ZCCHC7: variants seen among roughly 807,000 people sequenced by gnomAD.
The protein encoded by ZCCHC7 is zinc finger CCHC domain-containing protein 7.
Under a neutral mutation model 52.0 loss-of-function variants are expected in ZCCHC7, and 35 were observed. That is an observed-to-expected ratio of 0.67 (90% CI 0.51 to 0.89). The LOEUF is 0.89. ZCCHC7 is among the 40% of genes least tolerant of loss of function. The probability of loss-of-function intolerance (pLI) is 0.00; values close to 1 mark genes in which losing one functional copy is unlikely to be tolerated. For synonymous variants in ZCCHC7, 217 were observed against 221.5 expected, an observed-to-expected ratio of 0.98 and a Z score of 0.18; for missense variants, 574 against 649.1, an observed-to-expected ratio of 0.88 and a Z score of 1.26.
At chr9:37,304,389 C>T (rs903325167) in intron 4 of ZCCHC7, 76 bp downstream of exon 4, 2 of 1,541,696 alleles carry the variant, frequency 1.3e-6, no homozygotes, top group African/African-American at 2.7e-5. Context: ...CACGGTGGCT[C>T]ATGCCTGTAA....
intron 2 of ZCCHC7, among the ~76,000 whole-genome samples, chr9:37,169,649 A>G (rs1158407935): frequency 6.6e-6 from 1 of 152,192 alleles, no homozygotes; most frequent in Admixed American, 6.5e-5. Flanking sequence ...CTTTTATAAC[A>G]TGGGGTTTTT....
chr9:37,242,878 C>T (rs1473786272), intron 2 of ZCCHC7, among the ~76,000 whole-genome samples: 2 of 151,922 alleles, frequency 1.3e-5, no homozygotes, highest in South Asian at 4.1e-4. Flanking sequence ...TTCTTTGTAT[C>T]AGCACCCTGA....
In ZCCHC7 at chr9:37,176,264, G is replaced by A. The variant is rs528809843; in HGVS notation, c.610+49322G>A. On this transcript the variant is annotated intron_variant, in intron 2 of 8. Transcript: ENST00000336755. ...TAATTTTTGTATTTTTAGTAGAGAC[G>A]GGGTTTCACCGTGTTAGCCAGGATG... Among the ~76,000 whole-genome samples the A allele has an allele frequency of 3.9e-3, 590 of 152,160 alleles. 3 individuals carry two copies. Among genetic ancestry groups the A allele is most frequent in the Admixed American group, 9.4e-3 (143 of 15,282 alleles).
At chr9:37,146,924 G>A (rs1843461493) in intron 2 of ZCCHC7, among the ~76,000 whole-genome samples, 2 of 151,748 alleles carry the variant, frequency 1.3e-5, no homozygotes, top group African/African-American at 2.4e-5. Flanking sequence ...TAAAAACATA[G>A]GGAATAACAT....
At chr9:37,236,943 A>G (rs556478513) in intron 2 of ZCCHC7, among the ~76,000 whole-genome samples, 2 of 152,244 alleles carry the variant, frequency 1.3e-5, no homozygotes, top group South Asian at 2.1e-4. Context: ...AAGTGCTTTC[A>G]ATTTGAACTT....
intron 2 of ZCCHC7, among the ~76,000 whole-genome samples, chr9:37,178,859 A>G (rs1211700469): frequency 6.6e-6 from 1 of 152,226 alleles, no homozygotes; most frequent in Non-Finnish European, 1.5e-5. Context: ...CTTTTTATAA[A>G]TAAGGTAGAT....
At chr9:37,219,990 T>A (rs1588501861) in intron 2 of ZCCHC7, among the ~76,000 whole-genome samples, 2 of 152,154 alleles carry the variant, frequency 1.3e-5, no homozygotes, top group South Asian at 4.1e-4. Flanking sequence ...GAAAATGAGG[T>A]GTGGTATTAA....
chr9:37,247,653 T>C (rs1310379955), intron 2 of ZCCHC7, among the ~76,000 whole-genome samples: 1 of 152,134 alleles, frequency 6.6e-6, no homozygotes, highest in African/African-American at 2.4e-5. Flanking sequence ...ACACCTTTAA[T>C]TTCAGCACTT....
chr9:37,266,057 T>C (rs894734447), intron 2 of ZCCHC7, among the ~76,000 whole-genome samples: 1 of 152,126 alleles, frequency 6.6e-6, no homozygotes, highest in Admixed American at 6.5e-5. Context: ...TTCTTTAAGG[T>C]CAGACATAGA....
At position 37,302,245 on chromosome 9, in the gene ZCCHC7, G is replaced by T. The variant is rs779668553; in HGVS notation, c.654+14G>T. The T allele has an allele frequency of 4.4e-6, 7 of 1,590,300 alleles. No individual in the cohort carries two copies. The highest frequency in any genetic ancestry group is 6.0e-6 in the Non-Finnish European group (7 of 1,161,774). ...AAAGACATTGAGGTAAAATCAAATT[G>T]TTTTTAAAATTCAGAATAATAATTT... On this transcript the variant is annotated intron_variant, in intron 3 of 8. Transcript: ENST00000336755.
chr9:37,120,744 C>G, intron 1 of ZCCHC7, 121 bp downstream of exon 1: 1 of 350,724 alleles, frequency 2.9e-6, no homozygotes, highest in Non-Finnish European at 5.1e-6. Context: ...CGTCTCCCGT[C>G]CGCCCCTCAC....
chr9:37,302,065 A>C, intron 2 of ZCCHC7, 123 bp from the exon 3 acceptor site: 1 of 755,024 alleles, frequency 1.3e-6, no homozygotes, highest in African/African-American at 1.7e-5. Context: ...AATTTCAGGT[A>C]TTCAACATTT....
chr9:37,303,530 A>G (rs1588638824), intron 3 of ZCCHC7, among the ~76,000 whole-genome samples: 1 of 151,772 alleles, frequency 6.6e-6, no homozygotes, highest in Non-Finnish European at 1.5e-5. Flanking sequence ...GATCTGAAAC[A>G]TAAGTAGAGA....
chr9:37,287,007 CCCTCCCTCCCTCCCTCCCTT>C (rs1349761372), intron 2 of ZCCHC7, among the ~76,000 whole-genome samples: 2 of 2,420 alleles, frequency 8.3e-4, no homozygotes, highest in Non-Finnish European at 2.0e-3. Context: ...CTCCTTCCCT[CCCTCCCTCCCTCCCTCCCTT>C]CCTTCCTCTC....
At chr9:37,270,764 C>G (rs1827368298) in intron 2 of ZCCHC7, among the ~76,000 whole-genome samples, 1 of 150,228 alleles carries the variant, frequency 6.7e-6, no homozygotes, top group South Asian at 2.1e-4. Flanking sequence ...CCCACAATCT[C>G]CTCTTTAAAG....
chr9:37,212,054 AAAAAAAAAAAAG>A (rs1564181974), intron 2 of ZCCHC7, among the ~76,000 whole-genome samples: 3 of 128,464 alleles, frequency 2.3e-5, no homozygotes, highest in African/African-American at 9.0e-5. Context: ...AAAAAAAAAA[AAAAAAAAAAAAG>A]AAAATCTTTG....
At chr9:37,273,331 G>A (rs571334800) in intron 2 of ZCCHC7, among the ~76,000 whole-genome samples, 1 of 152,210 alleles carries the variant, frequency 6.6e-6, no homozygotes, top group East Asian at 1.9e-4. Context: ...GTGAAACCCT[G>A]TCTCTACTAA....
intron 2 of ZCCHC7, among the ~76,000 whole-genome samples, chr9:37,188,238 A>G (rs1426431663): frequency 6.6e-6 from 1 of 151,960 alleles, no homozygotes; most frequent in African/African-American, 2.4e-5. Context: ...GCTGCCTCAA[A>G]ATTGGCTCAA....
At position 37,132,532 on chromosome 9, in the gene ZCCHC7, ATG is replaced by A. The variant is rs534049166; in HGVS notation, c.610+5598_610+5599del. Reference sequence around the variant, plus strand: ...GTCATTCATATATGTATGTATGTGTATGTGTGTGTATACACATCATGTGTGCA... The same window carrying A: ...GTCATTCATATATGTATGTATGTGTATGTGTGTATACACATCATGTGTGCA... On this transcript the variant is annotated intron_variant, in intron 2 of 8. Coordinates refer to ENST00000336755, the MANE Select transcript of ZCCHC7 (RefSeq NM_032226.3). 3.4e-3 allele frequency among the ~76,000 whole-genome samples: 513 copies of A among 151,252 alleles called. 1 individual carries two copies. Among genetic ancestry groups the A allele is most frequent in the African/African-American group, 0.012 (482 of 40,606 alleles).
Sources: allele counts gnomAD v4.1 joint callset (sites outside exome capture counted in the v4.1 genomes callset), GRCh38; gene constraint gnomAD v4.1.1; transcripts MANE v1.5; gene names NCBI Gene and HGNC (gene_info 2026-07-23, HGNC 2026-07-21).